The following KLF8 variants were observed in gnomAD, a reference collection of about 807,000 sequenced individuals.
The protein encoded by KLF8 is KLF transcription factor 8.
In KLF8, 10 loss-of-function variants were observed where a neutral mutation model predicts 18.2. The ratio of observed to expected loss-of-function variants is 0.55; its 90% CI spans 0.34 to 0.93. The LOEUF is 0.93. Ranked by LOEUF, KLF8 falls within the 40% of genes least tolerant of loss-of-function variation. The probability of loss-of-function intolerance (pLI) is 0.02; values close to 1 mark genes in which losing one functional copy is unlikely to be tolerated. For synonymous variants in KLF8, 109 were observed against 97.3 expected, an observed-to-expected ratio of 1.12 and a Z score of -0.71; for missense variants, 264 against 277.9, an observed-to-expected ratio of 0.95 and a Z score of 0.36.
chrX:55,925,078 C>A, the KLF8 span, among the ~76,000 whole-genome samples: 2,969 of 99,997 alleles, frequency 0.03, 148 homozygotes, highest in African/African-American at 0.11. Flanking sequence ...CCAGGCTGGT[C>A]TCAAACTGCT....
chrX:56,053,399 C>G, the KLF8 span, among the ~76,000 whole-genome samples: 1 of 111,122 alleles, frequency 9.0e-6, no homozygotes, highest in Non-Finnish European at 1.9e-5. Flanking sequence ...TAATATGCTG[C>G]CAGCTTCAGT....
the KLF8 span, among the ~76,000 whole-genome samples, chrX:56,017,201 G>A: frequency 8.9e-6 from 1 of 112,341 alleles, no homozygotes; most frequent in East Asian, 2.8e-4. Context: ...TAACGCAGAA[G>A]CTGACTGAAG....
At chrX:56,034,377 C>A in the KLF8 span, among the ~76,000 whole-genome samples, 4 of 112,014 alleles carry the variant, frequency 3.6e-5, no homozygotes, top group African/African-American at 1.3e-4. Flanking sequence ...GTGTATGTGT[C>A]TATTGTTATG....
the KLF8 span, among the ~76,000 whole-genome samples, chrX:56,088,746 C>T: frequency 9.0e-6 from 1 of 111,266 alleles, no homozygotes; most frequent in Non-Finnish European, 1.9e-5. Flanking sequence ...TTGTACAGAG[C>T]CTTTCTCACT....
chrX:56,091,172 T>C, the KLF8 span, among the ~76,000 whole-genome samples: 1 of 111,148 alleles, frequency 9.0e-6, no homozygotes. Context: ...TGAGAGGTGA[T>C]TGGATCATGG....
At chrX:56,102,380 A>G in the KLF8 span, among the ~76,000 whole-genome samples, 7 of 111,640 alleles carry the variant, frequency 6.3e-5, no homozygotes, top group East Asian at 1.7e-3. Flanking sequence ...AAAGTCAGGT[A>G]GTTTGAAAAC....
intron 2 of KLF8, 108 bp downstream of exon 2, chrX:56,250,412 G>A: frequency 1.7e-6 from 1 of 586,660 alleles, no homozygotes; most frequent in African/African-American, 2.3e-5. Flanking sequence ...CATGTTTGGG[G>A]ATTGAGAAGA....
the KLF8 span, among the ~76,000 whole-genome samples, chrX:55,994,241 TTC>T: frequency 2.3e-4 from 24 of 105,323 alleles, no homozygotes; most frequent in African/African-American, 9.4e-4. Context: ...CTTTTTTTTT[TTC>T]TTTTGTATTT....
At chrX:55,936,828 GA>G in the KLF8 span, among the ~76,000 whole-genome samples, 1 of 99,482 alleles carries the variant, frequency 1.0e-5, no homozygotes, top group Non-Finnish European at 2.0e-5. Context: ...GAGGCTGGGG[GA>G]GGGGCGCCCG....
At chrX:56,114,028 G>A in the KLF8 span, among the ~76,000 whole-genome samples, 1 of 111,932 alleles carries the variant, frequency 8.9e-6, no homozygotes, top group East Asian at 2.8e-4. Flanking sequence ...TGTCCCAGGG[G>A]GATCATAGTT....
the KLF8 span, among the ~76,000 whole-genome samples, chrX:55,909,480 C>T: frequency 2.7e-5 from 3 of 112,756 alleles, no homozygotes; most frequent in African/African-American, 9.7e-5. Context: ...GGTGCATTGC[C>T]TGTGGCTGAT....
At chrX:55,987,066 G>A in the KLF8 span, among the ~76,000 whole-genome samples, 1 of 111,110 alleles carries the variant, frequency 9.0e-6, no homozygotes, top group Admixed American at 9.6e-5. Context: ...ATTGTGAAGA[G>A]TGCTACGATG....
the KLF8 span, among the ~76,000 whole-genome samples, chrX:56,094,563 C>A: frequency 9.1e-6 from 1 of 110,199 alleles, no homozygotes; most frequent in Non-Finnish European, 1.9e-5. Context: ...AGCAGGTAGA[C>A]AATCAAACAG....
At chrX:56,243,645 C>G (rs1053131529) in intron 1 of KLF8, among the ~76,000 whole-genome samples, 2 of 101,816 alleles carry the variant, frequency 2.0e-5, no homozygotes. Context: ...AAGCGATTCT[C>G]TTGCCTCAGC....
the KLF8 span, among the ~76,000 whole-genome samples, chrX:56,121,079 G>C: frequency 4.0e-4 from 43 of 107,271 alleles, no homozygotes; most frequent in East Asian, 9.7e-3. Context: ...CCTGCTATTC[G>C]GGAGGCTGAG....
chrX:56,163,755 C>T, the KLF8 span, among the ~76,000 whole-genome samples: 1 of 111,921 alleles, frequency 8.9e-6, no homozygotes, highest in Non-Finnish European at 1.9e-5. Context: ...GTCTGTAATC[C>T]ATCTTGAGTT....
the KLF8 span, among the ~76,000 whole-genome samples, chrX:56,040,800 CTTTTTTTTTTTTTTTTTTTTTTTTTTTT>C: frequency 1.7e-4 from 1 of 6,027 alleles, no homozygotes; most frequent in Non-Finnish European, 4.6e-4. Flanking sequence ...ATGATACCAG[CTTTTTTTTTTTTTTTTTTTTTTTTTTTT>C]TTTTTTTTTT....
chrX:56,118,066 C>A, the KLF8 span, among the ~76,000 whole-genome samples: 2 of 111,408 alleles, frequency 1.8e-5, no homozygotes, highest in Admixed American at 9.5e-5. Context: ...GAAATAATCA[C>A]CTCCCAAATT....
chrX:56,015,785 A>G, the KLF8 span, among the ~76,000 whole-genome samples: 6 of 111,844 alleles, frequency 5.4e-5, no homozygotes, highest in African/African-American at 2.0e-4. Flanking sequence ...ATGGTGGTGT[A>G]GAGAAGGAGA....
Sources: gnomAD v4.1 joint callset for allele counts (sites outside exome capture counted in the v4.1 genomes callset) on GRCh38, gnomAD v4.1.1 for gene constraint, MANE v1.5 for transcripts, NCBI Gene and HGNC (gene_info 2026-07-23, HGNC 2026-07-21) for gene names.